Variants in KDM6A observed in about 807,000 individuals in gnomAD.
The protein encoded by KDM6A is lysine-specific demethylase 6A.
Under a neutral mutation model 117.6 loss-of-function variants are expected in KDM6A, and 11 were observed. The ratio of observed to expected loss-of-function variants is 0.09; its 90% CI spans 0.06 to 0.15. The LOEUF is 0.15. Among genes scored for constraint, KDM6A ranks in the 10% least tolerant of loss-of-function variants. The pLI is 1.00. For missense variants in KDM6A, 799 were observed against 1,077.3 expected (o/e 0.74, Z 3.62); for synonymous variants, 384 against 396.1 (o/e 0.97, Z 0.36).
rs530345499 is a variant in KDM6A at position 44,876,100 on chromosome X, A to T, written c.225+2113A>T. 1.5e-4 allele frequency among the ~76,000 whole-genome samples: 17 copies of T among 111,849 alleles called. No homozygotes were observed. In the East Asian group the frequency reaches 3.9e-3, roughly 26 times the overall value. On this transcript the variant is annotated intron_variant, in intron 2 of 29. Transcript: ENST00000611820. ...GGGGTAATTTGATGAACGATTAAGC[A>T]GTTTGTTAAACTAAAGAAAAAAAAA...
intron 2 of KDM6A, among the ~76,000 whole-genome samples, chrX:44,878,115 A>C (rs191722361): frequency 1.8e-5 from 2 of 111,333 alleles, no homozygotes; most frequent in African/African-American, 6.5e-5. Context: ...AATGCTTGGA[A>C]CCAGATGTGT....
chrX:44,926,174 G>GA (rs2036292989), intron 2 of KDM6A, among the ~76,000 whole-genome samples: 1 of 107,596 alleles, frequency 9.3e-6, no homozygotes, highest in Non-Finnish European at 1.9e-5. Flanking sequence ...GGGTTCAAGC[G>GA]ATTCTCGTGC....
At chrX:45,086,135 T>C in intron 25 of KDM6A, 156 bp downstream of exon 25, 1 of 437,999 alleles carries the variant, frequency 2.3e-6, no homozygotes, top group Non-Finnish European at 4.1e-6. Context: ...CCAAACCTCA[T>C]ATTTTGTGTT....
At chrX:45,081,990 A>G (rs2045428863) in intron 21 of KDM6A, among the ~76,000 whole-genome samples, 1 of 109,619 alleles carries the variant, frequency 9.1e-6, no homozygotes, top group African/African-American at 3.3e-5. Context: ...TGTGTCAGCC[A>G]GGATGGTCTT....
At chrX:44,956,436 G>T (rs1291167939) in intron 2 of KDM6A, among the ~76,000 whole-genome samples, 1 of 109,293 alleles carries the variant, frequency 9.1e-6, no homozygotes, top group Non-Finnish European at 1.9e-5. Context: ...GTCTTGCTCT[G>T]TCGCCCAGGC....
At chrX:44,978,913 G>A (rs762930337) in intron 4 of KDM6A, among the ~76,000 whole-genome samples, 1 of 112,179 alleles carries the variant, frequency 8.9e-6, no homozygotes, top group South Asian at 3.7e-4. Context: ...CATGTTGTGT[G>A]TATCAGTAGT....
intron 1 of KDM6A, 40 bp downstream of exon 1, chrX:44,873,752 G>A (rs2146445477): frequency 8.6e-7 from 1 of 1,159,151 alleles, no homozygotes; most frequent in South Asian, 1.9e-5. Context: ...CTCCGGACGG[G>A]CAGTAGCCGC....
intron 2 of KDM6A, among the ~76,000 whole-genome samples, chrX:44,924,876 A>G (rs2036214795): frequency 9.0e-6 from 1 of 110,974 alleles, no homozygotes; most frequent in Non-Finnish European, 1.9e-5. Context: ...TTTTGTAGCT[A>G]TGGAGTCTCC....
At chrX:45,083,076 C>G (rs2045490495) in intron 23 of KDM6A, among the ~76,000 whole-genome samples, 2 of 110,382 alleles carry the variant, frequency 1.8e-5, no homozygotes, top group South Asian at 7.7e-4. Flanking sequence ...CAGTTGTGAG[C>G]CACTGCACCC....
intron 2 of KDM6A, among the ~76,000 whole-genome samples, chrX:44,956,822 T>A (rs1276306169): frequency 9.0e-6 from 1 of 111,321 alleles, no homozygotes; most frequent in African/African-American, 3.3e-5. Flanking sequence ...ATGCGTATGG[T>A]TGGCTTTTTA....
chrX:44,893,509 G>GT (rs752050347), intron 2 of KDM6A, among the ~76,000 whole-genome samples: 595 of 91,809 alleles, frequency 6.5e-3, no homozygotes, highest in South Asian at 8.5e-3. Flanking sequence ...GTTGTGGGAG[G>GT]TTTTTTTTTT....
At chrX:44,930,078 GT>G (rs1482438670) in intron 2 of KDM6A, among the ~76,000 whole-genome samples, 2 of 111,298 alleles carry the variant, frequency 1.8e-5, no homozygotes, top group African/African-American at 6.5e-5. Context: ...GGTTTTTCAT[GT>G]GCTTATCTGT....
chrX:44,905,301 A>G (rs2034585445), intron 2 of KDM6A, among the ~76,000 whole-genome samples: 2 of 112,096 alleles, frequency 1.8e-5, no homozygotes, highest in Non-Finnish European at 3.8e-5. Flanking sequence ...TTATAATACC[A>G]TATTTTTACT....
intron 4 of KDM6A, among the ~76,000 whole-genome samples, chrX:44,986,758 G>C (rs1205959498): frequency 8.9e-6 from 1 of 112,150 alleles, no homozygotes; most frequent in Non-Finnish European, 1.9e-5. Context: ...TAGTTTGATT[G>C]CACTGTGGTC....
chrX:44,882,438 A>G (rs1440367832), intron 2 of KDM6A, among the ~76,000 whole-genome samples: 1 of 112,303 alleles, frequency 8.9e-6, no homozygotes, highest in Non-Finnish European at 1.9e-5. Flanking sequence ...AATCTCAAAT[A>G]TCTGTGGACC....
chrX:45,052,756 T>C (rs2043908795), intron 9 of KDM6A, among the ~76,000 whole-genome samples: 1 of 111,867 alleles, frequency 8.9e-6, no homozygotes, highest in Non-Finnish European at 1.9e-5. Context: ...GAATACAGTG[T>C]CGTGATCATA....
rs2148306874 is a variant in KDM6A at position 45,110,186 on chromosome X, C to T, written c.4269C>T (p.Asn1423=). The change falls in exon 29 of 30, where the codon AAC becomes AAT. Residue 1423 remains asparagine, a synonymous_variant. Transcript: ENST00000611820. The stretch of plus-strand genomic sequence containing the variant: ...GAAAAACAAGCGGAAACTTGGAAAA[C>T]TTTGTGGTGCTAGAACAGTACAAAA... ...CARKTSGNLE[N]FVVLEQYKME... is the part of the protein sequence containing the mutation. 1.7e-6 allele frequency: 2 copies of T among 1,210,895 alleles called. No individual in the cohort carries two copies. The highest frequency in any genetic ancestry group is 1.8e-5 in the South Asian group (1 of 56,975).
chrX:45,083,537 A>G lies in KDM6A; in HGVS notation c.3518A>G (p.His1173Arg), dbSNP rs766711516. The G allele has an allele frequency of 8.3e-7, 1 of 1,208,422 alleles. No individual in the cohort carries two copies. ...RVVSAGNLLS[H>R]VGHTILGMNT... ...GTATCAGCAGGAAATCTTCTAAGCC[A>G]TGTTGGTCATACCATATTGGGCATG... is the stretch of plus-strand genomic sequence containing the variant. Residue 1173 changes from histidine to arginine, a missense_variant, in exon 24 of 30, where the codon CAT becomes CGT. By Grantham distance (29) the His-to-Arg change is conservative. Around this residue, in one of 8 missense-constraint regions of KDM6A, gnomAD observed 291 missense variants for 437.9 expected, o/e 0.66. Coordinates refer to ENST00000611820, the MANE Select transcript of KDM6A (RefSeq NM_001291415.2).
intron 4 of KDM6A, among the ~76,000 whole-genome samples, chrX:44,980,012 T>A (rs1355629748): frequency 9.6e-6 from 1 of 104,617 alleles, no homozygotes; most frequent in African/African-American, 3.5e-5. Flanking sequence ...TTTTTTTTTT[T>A]TTGAGATGGA....
Sources: allele counts gnomAD v4.1 joint callset (sites outside exome capture counted in the v4.1 genomes callset), GRCh38; gene constraint gnomAD v4.1.1; regional missense constraint gnomAD v4.1.1; transcripts MANE v1.5; gene names NCBI Gene and HGNC (gene_info 2026-07-23, HGNC 2026-07-21).